The following ADAM23 variants were observed in gnomAD, a reference collection of about 807,000 sequenced individuals.
ADAM23 encodes disintegrin and metalloproteinase domain-containing protein 23.
In ADAM23, 33 loss-of-function variants were observed where a neutral mutation model predicts 120.1. The ratio of observed to expected loss-of-function variants is 0.27; its 90% CI spans 0.21 to 0.37. The LOEUF is 0.37. ADAM23 is among the 10% of genes least tolerant of loss of function. The probability of loss-of-function intolerance (pLI) is 1.00; values close to 1 mark genes in which losing one functional copy is unlikely to be tolerated. For missense variants in ADAM23, 862 were observed against 1,058.2 expected (o/e 0.81, Z 2.57); for synonymous variants, 367 against 375.2 (o/e 0.98, Z 0.25).
chr2:206,452,350 G>A (rs1695213067), intron 2 of ADAM23, among the ~76,000 whole-genome samples: 2 of 152,228 alleles, frequency 1.3e-5, no homozygotes, highest in South Asian at 4.1e-4. Flanking sequence ...GAGCTGTGCT[G>A]TTGAAAGTCT....
rs148478835 is a variant in ADAM23, at chr2:206,487,545, C to G, written c.509+6237C>G. ...TTTCCCAGAGCTGCTCACCAGACAT[C>G]CATTAAAGAACATGACACGACTTGC... On this transcript the variant is annotated intron_variant, in intron 3 of 25. Transcript: ENST00000264377. 3.6e-3 allele frequency among the ~76,000 whole-genome samples: 550 copies of G among 152,314 alleles called. 7 individuals are homozygous for G. Among genetic ancestry groups the G allele is most frequent in the Admixed American group, 0.021 (315 of 15,306 alleles).
intron 4 of ADAM23, among the ~76,000 whole-genome samples, chr2:206,540,216 TACACACACACACACACACACAC>T (rs71034461): frequency 0.017 from 2,264 of 131,932 alleles, 29 homozygotes; most frequent in Non-Finnish European, 0.025. Context: ...CCCTTCACTG[TACACACACACACACACACACAC>T]ACACACACAC....
chr2:206,569,941 T>C (rs1697963253), intron 15 of ADAM23, among the ~76,000 whole-genome samples: 1 of 152,184 alleles, frequency 6.6e-6, no homozygotes, highest in East Asian at 1.9e-4. Flanking sequence ...GGTTGGAGTG[T>C]GCTGCTCCAG....
intron 3 of ADAM23, among the ~76,000 whole-genome samples, chr2:206,484,016 C>G (rs905285443): frequency 6.6e-6 from 1 of 151,998 alleles, no homozygotes; most frequent in Non-Finnish European, 1.5e-5. Flanking sequence ...AGAGACGGAG[C>G]TGATAAGAGT....
chr2:206,586,867 G>A (rs1260196168), intron 18 of ADAM23, among the ~76,000 whole-genome samples: 2 of 152,188 alleles, frequency 1.3e-5, no homozygotes, highest in South Asian at 2.1e-4. Context: ...TGTGTTGAAA[G>A]GCAGAGTATT....
chr2:206,583,008 G>A (rs1019711460), intron 18 of ADAM23, among the ~76,000 whole-genome samples: 1 of 152,134 alleles, frequency 6.6e-6, no homozygotes, highest in African/African-American at 2.4e-5. Context: ...CTTAACTCTG[G>A]ATAACCTGAT....
chr2:206,554,258 G>C (rs950051200), intron 9 of ADAM23, among the ~76,000 whole-genome samples: 7 of 152,020 alleles, frequency 4.6e-5, no homozygotes, highest in South Asian at 4.1e-4. Flanking sequence ...CCCTCAATTT[G>C]GTAAAAAGTA....
intron 4 of ADAM23, among the ~76,000 whole-genome samples, chr2:206,535,288 A>C (rs535503943): frequency 6.6e-6 from 1 of 152,340 alleles, no homozygotes; most frequent in Non-Finnish European, 1.5e-5. Context: ...GGCTATAATG[A>C]AAATGATGGA....
chr2:206,518,529 A>G (rs548559121), intron 3 of ADAM23, among the ~76,000 whole-genome samples: 1 of 152,278 alleles, frequency 6.6e-6, no homozygotes, highest in Admixed American at 6.5e-5. Context: ...TCAGGTTTTT[A>G]AAATTTGTTT....
intron 2 of ADAM23, among the ~76,000 whole-genome samples, chr2:206,457,962 A>G (rs184129920): frequency 6.6e-6 from 1 of 152,384 alleles, no homozygotes; most frequent in Admixed American, 6.5e-5. Context: ...AATGCAGTAT[A>G]GCCAGTGTTT....
At chr2:206,472,990 C>T (rs1695692383) in intron 2 of ADAM23, among the ~76,000 whole-genome samples, 1 of 152,116 alleles carries the variant, frequency 6.6e-6, no homozygotes, top group Non-Finnish European at 1.5e-5. Flanking sequence ...ACTTAAGCTT[C>T]CTAATTTAAG....
intron 2 of ADAM23, among the ~76,000 whole-genome samples, chr2:206,453,208 C>G (rs1695232168): frequency 6.6e-6 from 1 of 152,274 alleles, no homozygotes. Flanking sequence ...TTGGATGATT[C>G]TATTCATTTC....
chr2:206,478,909 G>T (rs2105876058), intron 2 of ADAM23, among the ~76,000 whole-genome samples: 1 of 152,164 alleles, frequency 6.6e-6, no homozygotes, highest in South Asian at 2.1e-4. Context: ...GATCCTTTCT[G>T]CACCTCTCTG....
chr2:206,619,077 A>G lies in ADAM23; in HGVS notation c.*1450A>G, dbSNP rs1001779237. ...CTCAAAATATATATGGTAGAACCCT[A>G]TTGGAAAAGTGGTAATGGGAATAGA... On this transcript the variant is annotated 3_prime_UTR_variant, in exon 26 of 26. Transcript: ENST00000264377. The G allele has an allele frequency of 6.6e-6, 1 of 152,192 alleles. No individual in the cohort carries two copies. Among genetic ancestry groups the G allele is most frequent in the Non-Finnish European group, 1.5e-5 (1 of 68,042 alleles). 9.4% of individuals were successfully genotyped at this position (152,192 alleles called of 1,614,324 possible).
intron 2 of ADAM23, among the ~76,000 whole-genome samples, chr2:206,452,131 C>T (rs967380202): frequency 2.0e-5 from 3 of 152,174 alleles, no homozygotes; most frequent in Non-Finnish European, 4.4e-5. Flanking sequence ...AGATGTGGCT[C>T]CTCTTTAGAT....
chr2:206,448,048 C>G (rs1544820), intron 2 of ADAM23, among the ~76,000 whole-genome samples: 60,755 of 152,092 alleles, frequency 0.4, 12,282 homozygotes, highest in Middle Eastern at 0.43. Flanking sequence ...CTCTTTGCAT[C>G]CTAATGTTTC....
intron 24 of ADAM23, among the ~76,000 whole-genome samples, chr2:206,600,175 C>G (rs1170760426): frequency 6.6e-6 from 1 of 152,170 alleles, no homozygotes; most frequent in African/African-American, 2.4e-5. Context: ...GCACTCCAAC[C>G]TGGGCAACAG....
intron 25 of ADAM23, among the ~76,000 whole-genome samples, chr2:206,615,086 A>G (rs1313712898): frequency 6.6e-6 from 1 of 152,176 alleles, no homozygotes; most frequent in Non-Finnish European, 1.5e-5. Context: ...CCATGGATAA[A>G]TATATGCCCT....
chr2:206,574,904 G>GT (rs1456129329), intron 18 of ADAM23, among the ~76,000 whole-genome samples: 1 of 152,108 alleles, frequency 6.6e-6, no homozygotes, highest in Non-Finnish European at 1.5e-5. Context: ...ATTCAAATGA[G>GT]TATTTGTTGA....
Sources: allele counts gnomAD v4.1 joint callset (sites outside exome capture counted in the v4.1 genomes callset), GRCh38; gene constraint gnomAD v4.1.1; transcripts MANE v1.5; gene names NCBI Gene and HGNC (gene_info 2026-07-23, HGNC 2026-07-21).